SMARCD1: variants seen among roughly 807,000 people sequenced by gnomAD.
SMARCD1 encodes SWI/SNF-related matrix-associated actin-dependent regulator of chromatin subfamily D member 1.
Under a neutral mutation model 70.8 loss-of-function variants are expected in SMARCD1, and 16 were observed. The observed-to-expected ratio is 0.23, with a 90% CI of 0.15 to 0.34. SMARCD1 has a LOEUF of 0.34. SMARCD1 is among the 10% of genes least tolerant of loss of function. SMARCD1 has a pLI of 1.00. For missense variants in SMARCD1, 409 were observed against 655.5 expected (o/e 0.62, Z 4.11); for synonymous variants, 249 against 246.0 (o/e 1.01, Z -0.11).
At chr12:50,088,348 A>G (rs1592287804) in intron 5 of SMARCD1, 173 bp from the exon 6 acceptor site, 6 of 696,196 alleles carry the variant, frequency 8.6e-6, no homozygotes, top group Admixed American at 4.1e-5. Flanking sequence ...TGTTGCTACT[A>G]TGATTGGTTT....
rs1255216266 is a variant in SMARCD1, at chr12:50,086,874, T to C, written c.527T>C (p.Ile176Thr). Reference sequence around the variant, plus strand: ...ATCCAAGAGGCCTTGAAACGTCCCATCAAGGTAACACAGGAAAGTACTAGG... The same window carrying C: ...ATCCAAGAGGCCTTGAAACGTCCCACCAAGGTAACACAGGAAAGTACTAGG... ...LDIQEALKRP[I>T]KQKRKLRIFI... The change falls in exon 4 of 13, where the codon ATC becomes ACC. Residue 176 changes from isoleucine (I) to threonine (T), a missense_variant. Ile to Thr is a moderately conservative substitution (Grantham distance 89, BLOSUM62 -1). Coordinates refer to ENST00000394963, the MANE Select transcript of SMARCD1 (RefSeq NM_003076.5). The C allele has an allele frequency of 1.2e-6, 2 of 1,614,064 alleles. No individual in the cohort carries two copies. Among genetic ancestry groups the C allele is most frequent in the Non-Finnish European group, 1.7e-6 (2 of 1,180,004 alleles).
intron 2 of SMARCD1, 120 bp downstream of exon 2, chr12:50,086,468 C>G: frequency 1.8e-6 from 1 of 553,492 alleles, no homozygotes. Flanking sequence ...AGAACTCATC[C>G]TTGAGAATGC....
Position 50,094,506 on chromosome 12 carries a change from G to C in SMARCD1, c.1203G>C (p.Lys401Asn). The change falls in exon 10 of 13, where the codon AAG becomes AAC. Residue 401 changes from lysine (K) to asparagine (N), a missense_variant. This residue lies in a region of SMARCD1 where 269 missense variants were observed against 498.6 expected (regional missense o/e 0.54). Transcript: ENST00000394963. ...ATGTTGAAGTGGATGACACCTTGAA[G>C]ACCCAGATGAATTCTTTTCTGCTGT... ...DIDVEVDDTL[K>N]TQMNSFLLST... 1 of 1,613,966 alleles carries C rather than the reference G, an allele frequency of 6.2e-7. No homozygotes were observed.
In SMARCD1 at chr12:50,096,833, T is replaced by C. The variant is rs200289512; in HGVS notation, c.1270-17T>C. ...TTTCTAGTTTGAAAATGGTATGAGCTTCGTTCTTCCTTTCAGATCCATGAG... is the reference window on the plus strand; with the variant it reads ...TTTCTAGTTTGAAAATGGTATGAGCCTCGTTCTTCCTTTCAGATCCATGAG... On this transcript the variant is annotated splice_polypyrimidine_tract_variant and intron_variant, in intron 10 of 12. Transcript: ENST00000394963. 105 of 1,596,034 alleles carry C rather than the reference T, an allele frequency of 6.6e-5. No homozygotes were observed. Among genetic ancestry groups the C allele is most frequent in the Non-Finnish European group, 1.1e-5 (13 of 1,167,244 alleles).
chr12:50,098,322 G>A (rs1565743109), intron 11 of SMARCD1, among the ~76,000 whole-genome samples: 1 of 152,170 alleles, frequency 6.6e-6, no homozygotes, highest in Non-Finnish European at 1.5e-5. Context: ...ATCAGTGTGG[G>A]CAGCACTGCT....
chr12:50,088,489 T>C (rs1286732277), intron 5 of SMARCD1, 32 bp from the exon 6 acceptor site: 1 of 1,255,344 alleles, frequency 8.0e-7, no homozygotes. Flanking sequence ...TTCTGGCCTT[T>C]CCTAATGTGA....
intron 9 of SMARCD1, among the ~76,000 whole-genome samples, chr12:50,093,920 C>T (rs1950869586): frequency 1.3e-5 from 2 of 152,164 alleles, no homozygotes; most frequent in Admixed American, 6.5e-5. Context: ...GCTGGGATTA[C>T]AGGCGTGAGC....
At chr12:50,089,549 C>A in intron 6 of SMARCD1, 1 of 204,016 alleles carries the variant, frequency 4.9e-6, no homozygotes, top group East Asian at 1.1e-4. Context: ...GTGAGATAAT[C>A]CAGGTAAATG....
chr12:50,093,872 C>T (rs955004021), intron 9 of SMARCD1, among the ~76,000 whole-genome samples: 8 of 152,054 alleles, frequency 5.3e-5, no homozygotes, highest in East Asian at 3.9e-4. Flanking sequence ...CTCTGCCTCC[C>T]GGGTTCAAGA....
intron 7 of SMARCD1, 24 bp downstream of exon 7, chr12:50,090,009 G>A: frequency 6.3e-7 from 1 of 1,576,278 alleles, no homozygotes; most frequent in Non-Finnish European, 8.7e-7. Context: ...GTGTGAGGGG[G>A]TCCAGCTTTC....
chr12:50,095,230 T>G (rs1196289780), intron 10 of SMARCD1, among the ~76,000 whole-genome samples: 1 of 152,248 alleles, frequency 6.6e-6, no homozygotes, highest in Non-Finnish European at 1.5e-5. Context: ...TGGGTTGTTA[T>G]TACTAGACGC....
rs1193289625 is a variant in SMARCD1 at position 50,099,094 on chromosome 12, C to T, written c.*94C>T. On this transcript the variant is annotated 3_prime_UTR_variant, in exon 13 of 13. Coordinates refer to ENST00000394963, the MANE Select transcript of SMARCD1 (RefSeq NM_003076.5). ...GTATCTGCCTTGGTCTTGCTTGGGG[C>T]GTTCCAGGGGATGCTGTTGGTTCAA... is the stretch of plus-strand genomic sequence containing the variant. 4 of 1,168,608 alleles carry T rather than the reference C, an allele frequency of 3.4e-6. No individual in the cohort carries two copies. Among genetic ancestry groups the T allele is most frequent in the African/African-American group, 3.0e-5 (2 of 66,194 alleles). The allele number at this position is 1,168,608 out of a possible 1,614,324, so 72.4% of individuals were successfully genotyped here. A position where few individuals can be genotyped will look rare whatever the true frequency, so the allele number is the denominator to read the frequency against.
Position 50,085,458 on chromosome 12 carries a change from C to T in SMARCD1, c.89C>T (p.Pro30Leu), listed in dbSNP as rs1484269487. 28 of 1,239,084 alleles carry T rather than the reference C, an allele frequency of 2.3e-5. No homozygotes were observed. The highest frequency in any genetic ancestry group is 2.7e-5 in the Non-Finnish European group (27 of 992,188). 76.8% of individuals were successfully genotyped at this position (1,239,084 alleles called of 1,614,324 possible). A position where few individuals can be genotyped will look rare whatever the true frequency, so the allele number is the denominator to read the frequency against. ...GCGGGCGCGGCTGCTGCCTTGGGCC[C>T]GGGCGGAACTCCGGGGCCTCCTGTG... ...GGAGAAAALG[P>L]GGTPGPPVRM... Residue 30 changes from proline (P) to leucine (L), a missense_variant, in exon 1 of 13, where the codon CCG (proline) becomes CTG (leucine). Pro to Leu is a moderately conservative substitution (Grantham distance 98). Around this residue, in one of 2 missense-constraint regions of SMARCD1, gnomAD observed 140 missense variants for 156.9 expected, o/e 0.89. Transcript: ENST00000394963.
chr12:50,090,821 C>CTTTTTTTTTTTTTTTTTTTT lies in SMARCD1; in HGVS notation c.1133+232_1133+251dup, dbSNP rs11443542. ...ATTATTACATTTTATTGTATTTGTG[C>CTTTTTTTTTTTTTTTTTTTT]TTTTTTTTTTTTTTTTTTTTGGAGA... is the stretch of plus-strand genomic sequence containing the variant. On this transcript the variant is annotated intron_variant, in intron 9 of 12. Transcript: ENST00000394963. Among the ~76,000 whole-genome samples the CTTTTTTTTTTTTTTTTTTTT allele has an allele frequency of 2.0e-5, 2 of 102,438 alleles. 1 individual carries two copies. Among genetic ancestry groups the CTTTTTTTTTTTTTTTTTTTT allele is most frequent in the Non-Finnish European group, 3.6e-5 (2 of 55,348 alleles). 67.2% of individuals were successfully genotyped at this position (102,438 alleles called of 152,430 possible). A position where few individuals can be genotyped will look rare whatever the true frequency, so the allele number is the denominator to read the frequency against.
chr12:50,099,112 T>C lies in SMARCD1; in HGVS notation c.*112T>C, dbSNP rs1341378117. On this transcript the variant is annotated 3_prime_UTR_variant, in exon 13 of 13. Coordinates refer to ENST00000394963, the MANE Select transcript of SMARCD1 (RefSeq NM_003076.5). ...CTTGGGGCGTTCCAGGGGATGCTGT[T>C]GGTTCAAGGACAACACCAGAATGAA... is the stretch of plus-strand genomic sequence containing the variant. 11 of 942,266 alleles carry C rather than the reference T, an allele frequency of 1.2e-5. No individual in the cohort carries two copies. Among genetic ancestry groups the C allele is most frequent in the Non-Finnish European group, 1.9e-5 (11 of 584,464 alleles). 58.4% of individuals were successfully genotyped at this position (942,266 alleles called of 1,614,324 possible). A position where few individuals can be genotyped will look rare whatever the true frequency, so the allele number is the denominator to read the frequency against.
rs567286593 is a variant in SMARCD1, at chr12:50,095,140, G to C, written c.1269+568G>C. The stretch of plus-strand genomic sequence containing the variant: ...TCAGGTTGCTATGACGATTAAATGA[G>C]GGAGTGTGTGTAAAGACTTGAGACT... On this transcript the variant is annotated intron_variant, in intron 10 of 12. Coordinates refer to ENST00000394963, the MANE Select transcript of SMARCD1 (RefSeq NM_003076.5). 2.0e-5 allele frequency among the ~76,000 whole-genome samples: 3 copies of C among 152,312 alleles called. 1 individual carries two copies. The South Asian group carries it at 6.2e-4, about 32-fold the overall frequency.
At chr12:50,089,620 A>G (rs1309724471) in intron 6 of SMARCD1, among the ~76,000 whole-genome samples, 1 of 152,252 alleles carries the variant, frequency 6.6e-6, no homozygotes, top group Non-Finnish European at 1.5e-5. Flanking sequence ...TACTGTTCAC[A>G]TGTGTATTAT....
intron 10 of SMARCD1, among the ~76,000 whole-genome samples, chr12:50,096,078 C>G (rs1950890895): frequency 6.6e-6 from 1 of 152,128 alleles, no homozygotes; most frequent in Non-Finnish European, 1.5e-5. Context: ...TGCAGTAATC[C>G]ATGTGAGACG....
intron 5 of SMARCD1, chr12:50,088,100 TC>T (rs1950808133): frequency 1.9e-6 from 1 of 525,584 alleles, no homozygotes; most frequent in Non-Finnish European, 3.4e-6. Flanking sequence ...TGTCAGAGCC[TC>T]CTTCTCTATA....
Sources: gnomAD v4.1 joint callset for allele counts (sites outside exome capture counted in the v4.1 genomes callset) on GRCh38, gnomAD v4.1.1 for gene constraint, gnomAD v4.1.1 regional missense constraint, MANE v1.5 for transcripts, NCBI Gene and HGNC (gene_info 2026-07-23, HGNC 2026-07-21) for gene names.